TUSC3: variants seen among roughly 807,000 people sequenced by gnomAD.
TUSC3 encodes tumor suppressor candidate 3.
In TUSC3, 45 loss-of-function variants were observed where a neutral mutation model predicts 44.8. That is an observed-to-expected ratio of 1.00 (90% CI 0.79 to 1.29). TUSC3 has a LOEUF of 1.29. TUSC3 is among the 50% of genes most tolerant of loss of function. The pLI is 0.00. For synonymous variants in TUSC3, 212 were observed against 152.9 expected, an observed-to-expected ratio of 1.39 and a Z score of -2.85; for missense variants, 519 against 437.9, an observed-to-expected ratio of 1.19 and a Z score of -1.65.
chr8:15,830,691 A>G, the TUSC3 span, among the ~76,000 whole-genome samples: 2 of 152,210 alleles, frequency 1.3e-5, no homozygotes. Flanking sequence ...TCTAACTTAT[A>G]AATGAGAGCT....
the TUSC3 span, among the ~76,000 whole-genome samples, chr8:15,837,428 C>G: frequency 1.5e-3 from 225 of 152,188 alleles, no homozygotes; most frequent in African/African-American, 5.3e-3. Flanking sequence ...TACATTGGAT[C>G]TCATCTGCCT....
At chr8:15,737,979 C>T (rs1033121452) in intron 7 of TUSC3, among the ~76,000 whole-genome samples, 2 of 152,138 alleles carry the variant, frequency 1.3e-5, no homozygotes, top group African/African-American at 2.4e-5. Flanking sequence ...CGATTCTCAA[C>T]TCAACTCCTA....
the TUSC3 span, among the ~76,000 whole-genome samples, chr8:15,829,211 C>A: frequency 1.3e-5 from 2 of 152,086 alleles, no homozygotes; most frequent in Non-Finnish European, 2.9e-5. Flanking sequence ...TGTTTCTAAT[C>A]ATTTGCTATT....
chr8:15,457,625 AC>A (rs1168862201), intron 1 of TUSC3, among the ~76,000 whole-genome samples: 2 of 150,522 alleles, frequency 1.3e-5, no homozygotes, highest in South Asian at 2.1e-4. Flanking sequence ...AATAGCAAAA[AC>A]CTGGTAATAA....
At chr8:15,568,202 C>T (rs1802746738) in intron 1 of TUSC3, among the ~76,000 whole-genome samples, 1 of 151,896 alleles carries the variant, frequency 6.6e-6, no homozygotes, top group Non-Finnish European at 1.5e-5. Flanking sequence ...CACTTGGGCA[C>T]GAAAAAGTGT....
At chr8:15,525,226 C>G (rs1032433857) in intron 2 of TUSC3, among the ~76,000 whole-genome samples, 1 of 152,170 alleles carries the variant, frequency 6.6e-6, no homozygotes, top group Non-Finnish European at 1.5e-5. Context: ...TTCCTCTATA[C>G]CTAAGTAAAA....
At chr8:15,794,757 G>A in the TUSC3 span, among the ~76,000 whole-genome samples, 3 of 152,018 alleles carry the variant, frequency 2.0e-5, no homozygotes, top group Non-Finnish European at 4.4e-5. Flanking sequence ...TTGATAGTAA[G>A]CACATTTGCC....
intron 1 of TUSC3, among the ~76,000 whole-genome samples, chr8:15,593,249 C>A (rs2129151302): frequency 6.6e-6 from 1 of 152,056 alleles, no homozygotes; most frequent in Middle Eastern, 3.4e-3. Flanking sequence ...CCACACCTGG[C>A]TAATTTTTGT....
Position 15,646,647 on chromosome 8 carries a change from T to C in TUSC3, c.309-4050T>C, listed in dbSNP as rs553642930. Among the ~76,000 whole-genome samples the C allele has an allele frequency of 2.0e-5, 3 of 152,218 alleles. No homozygotes were observed. The East Asian group carries it at 5.8e-4, about 29-fold the overall frequency. Reference sequence around the variant, plus strand: ...ACCCTCTTAAAACATAATATTTTAATCAAAACAATGTTATGTGCTTCTTGT... The same window carrying C: ...ACCCTCTTAAAACATAATATTTTAACCAAAACAATGTTATGTGCTTCTTGT... On this transcript the variant is annotated intron_variant, in intron 2 of 10. Coordinates refer to ENST00000503731, the MANE Select transcript of TUSC3 (RefSeq NM_006765.4).
At chr8:15,840,695 A>T in the TUSC3 span, among the ~76,000 whole-genome samples, 1 of 152,200 alleles carries the variant, frequency 6.6e-6, no homozygotes, top group African/African-American at 2.4e-5. Context: ...ATAAATAGAA[A>T]AACACTTTTA....
At chr8:15,434,000 T>C (rs1799913104) in intron 1 of TUSC3, among the ~76,000 whole-genome samples, 1 of 152,182 alleles carries the variant, frequency 6.6e-6, no homozygotes, top group South Asian at 2.1e-4. Context: ...CTGTGTCATA[T>C]ACTAAGTATA....
intron 1 of TUSC3, among the ~76,000 whole-genome samples, chr8:15,459,724 A>G (rs1294576656): frequency 6.6e-6 from 1 of 151,848 alleles, no homozygotes; most frequent in Non-Finnish European, 1.5e-5. Flanking sequence ...ATGATGTTTG[A>G]TTTTTCCATT....
At chr8:15,641,361 CAAAAAA>C (rs34446791) in intron 2 of TUSC3, among the ~76,000 whole-genome samples, 2 of 99,496 alleles carry the variant, frequency 2.0e-5, no homozygotes, top group African/African-American at 3.9e-5. Flanking sequence ...GACTCCGTCT[CAAAAAA>C]AAAAAAAAAA....
chr8:15,484,026 C>G (rs1800702623), intron 2 of TUSC3, among the ~76,000 whole-genome samples: 1 of 152,096 alleles, frequency 6.6e-6, no homozygotes. Flanking sequence ...TATGTGTTCT[C>G]TTTTTCTCTC....
the TUSC3 span, among the ~76,000 whole-genome samples, chr8:15,827,855 G>C: frequency 2.1e-3 from 312 of 152,150 alleles, 1 homozygote; most frequent in African/African-American, 7.2e-3. Context: ...AGGCTGTTTG[G>C]GATGTTGGGA....
chr8:15,472,581 A>C (rs1463336756), intron 1 of TUSC3, among the ~76,000 whole-genome samples: 1 of 152,122 alleles, frequency 6.6e-6, no homozygotes, highest in African/African-American at 2.4e-5. Flanking sequence ...TTTAGTTCAG[A>C]GTGGGACATC....
At chr8:15,675,884 C>T in intron 6 of TUSC3, among the ~76,000 whole-genome samples, 1 of 152,110 alleles carries the variant, frequency 6.6e-6, no homozygotes, top group East Asian at 1.9e-4. Context: ...GAGAATAATG[C>T]TGCAATGAAC....
intron 3 of TUSC3, among the ~76,000 whole-genome samples, chr8:15,657,149 C>G (rs1807211893): frequency 6.6e-6 from 1 of 152,268 alleles, no homozygotes; most frequent in East Asian, 1.9e-4. Flanking sequence ...CTGCTAATCT[C>G]CTTATAAATA....
At chr8:15,582,260 A>C (rs1803394587) in intron 1 of TUSC3, among the ~76,000 whole-genome samples, 1 of 151,926 alleles carries the variant, frequency 6.6e-6, no homozygotes, top group South Asian at 2.1e-4. Context: ...TGCAGAAATC[A>C]CCCGTCTTCT....
Sources: allele counts gnomAD v4.1 joint callset (sites outside exome capture counted in the v4.1 genomes callset), GRCh38; gene constraint gnomAD v4.1.1; transcripts MANE v1.5; gene names NCBI Gene and HGNC (gene_info 2026-07-23, HGNC 2026-07-21).